The following ATG10 variants were observed in gnomAD, a reference collection of about 807,000 sequenced individuals.
ATG10 encodes the protein autophagy related 10.
ATG10 carries 30 observed loss-of-function variants against 32.1 expected under a neutral mutation model. The ratio of observed to expected loss-of-function variants is 0.94; its 90% CI spans 0.70 to 1.27. The LOEUF is 1.27. ATG10 is among the 50% of genes most tolerant of loss of function. The pLI is 0.00. For synonymous variants in ATG10, 87 were observed against 91.5 expected, an observed-to-expected ratio of 0.95 and a Z score of 0.28; for missense variants, 233 against 262.3, an observed-to-expected ratio of 0.89 and a Z score of 0.77.
intron 5 of ATG10, among the ~76,000 whole-genome samples, chr5:82,223,736 G>A (rs1337251003): frequency 6.6e-6 from 1 of 152,052 alleles, no homozygotes; most frequent in African/African-American, 2.4e-5. Flanking sequence ...AGATGTTACA[G>A]GCACATATAT....
intron 5 of ATG10, among the ~76,000 whole-genome samples, chr5:82,185,455 A>G (rs1051678878): frequency 3.9e-5 from 6 of 152,210 alleles, no homozygotes; most frequent in African/African-American, 1.4e-4. Flanking sequence ...GTAAGTTTAA[A>G]TGTTTGTACA....
At chr5:82,229,206 A>G (rs1746251272) in intron 5 of ATG10, among the ~76,000 whole-genome samples, 1 of 152,218 alleles carries the variant, frequency 6.6e-6, no homozygotes, top group African/African-American at 2.4e-5. Flanking sequence ...GATGGCTTGG[A>G]TGCATGCTCT....
At chr5:82,064,099 A>C (rs1008039134) in intron 3 of ATG10, among the ~76,000 whole-genome samples, 1 of 152,240 alleles carries the variant, frequency 6.6e-6, no homozygotes, top group Non-Finnish European at 1.5e-5. Context: ...GATTTTACAG[A>C]CTAGATTATC....
chr5:82,247,341 T>A (rs1280413003), intron 5 of ATG10, among the ~76,000 whole-genome samples: 4 of 152,174 alleles, frequency 2.6e-5, no homozygotes, highest in African/African-American at 4.8e-5. Flanking sequence ...TTTTCTCTTT[T>A]CTTCACATTG....
At chr5:82,139,185 C>T (rs1158688877) in intron 3 of ATG10, among the ~76,000 whole-genome samples, 1 of 144,894 alleles carries the variant, frequency 6.9e-6, no homozygotes, top group Non-Finnish European at 1.5e-5. Flanking sequence ...GTGATCTCGG[C>T]TCACTACAAC....
intron 5 of ATG10, among the ~76,000 whole-genome samples, chr5:82,246,286 G>T (rs1442974305): frequency 6.6e-6 from 1 of 151,796 alleles, no homozygotes; most frequent in East Asian, 1.9e-4. Flanking sequence ...AGCCAGGCTG[G>T]TCTTGAACTC....
intron 2 of ATG10, among the ~76,000 whole-genome samples, chr5:82,029,317 A>G (rs889961009): frequency 8.7e-6 from 1 of 115,364 alleles, no homozygotes; most frequent in African/African-American, 2.7e-5. Flanking sequence ...ATAATTATAC[A>G]ATATAAAGAA....
rs899951833 is a variant in ATG10, at chr5:82,009,601, C to T, written c.108+21923C>T. On this transcript the variant is annotated intron_variant, in intron 2 of 7. Transcript: ENST00000282185. ...AGATAAAACACAAGTCAAACTTATT[C>T]GAGTTGTCCACAGTCAGCAATGGTG... 7 of 1,584,980 alleles carry T rather than the reference C, an allele frequency of 4.4e-6. No homozygotes were observed. In the Admixed American group the frequency reaches 8.3e-5, roughly 19 times the overall value.
chr5:82,087,187 C>T (rs1764722808), intron 3 of ATG10, among the ~76,000 whole-genome samples: 1 of 151,934 alleles, frequency 6.6e-6, no homozygotes, highest in Non-Finnish European at 1.5e-5. Context: ...ACAGCAATGA[C>T]ATAAATTTTC....
At chr5:82,023,736 C>G (rs1191960064) in intron 2 of ATG10, among the ~76,000 whole-genome samples, 1 of 152,192 alleles carries the variant, frequency 6.6e-6, no homozygotes, top group Non-Finnish European at 1.5e-5. Flanking sequence ...TTGAAAGAAA[C>G]AAGCCCTTGA....
At chr5:81,998,375 G>A (rs1761731010) in intron 2 of ATG10, among the ~76,000 whole-genome samples, 1 of 152,178 alleles carries the variant, frequency 6.6e-6, no homozygotes, top group Non-Finnish European at 1.5e-5. Flanking sequence ...CATTACAAGA[G>A]GTGCTGAGGA....
intron 5 of ATG10, among the ~76,000 whole-genome samples, chr5:82,250,310 T>G (rs992022177): frequency 1.8e-4 from 28 of 152,130 alleles, no homozygotes; most frequent in African/African-American, 6.3e-4. Context: ...TTGATTAAGT[T>G]TCACCTTATT....
intron 2 of ATG10, among the ~76,000 whole-genome samples, chr5:82,013,258 T>C (rs1488225075): frequency 8.5e-5 from 13 of 152,202 alleles, no homozygotes; most frequent in Non-Finnish European, 1.5e-5. Flanking sequence ...GCCCATTGTA[T>C]CATTCTTATG....
intron 3 of ATG10, among the ~76,000 whole-genome samples, chr5:82,060,100 A>G (rs569331597): frequency 3.3e-5 from 5 of 152,324 alleles, no homozygotes; most frequent in African/African-American, 1.2e-4. Flanking sequence ...TTAACTTCAC[A>G]AAGTTTAAAG....
At chr5:82,159,475 G>A (rs538533792) in intron 3 of ATG10, among the ~76,000 whole-genome samples, 25 of 152,182 alleles carry the variant, frequency 1.6e-4, no homozygotes, top group South Asian at 1.2e-3. Context: ...TGGACTAGGT[G>A]GAGTGATTCA....
chr5:82,105,563 A>G (rs1340129293), intron 3 of ATG10, among the ~76,000 whole-genome samples: 1 of 152,150 alleles, frequency 6.6e-6, no homozygotes, highest in Non-Finnish European at 1.5e-5. Context: ...CCAAAAACAA[A>G]TCTAATGATT....
At chr5:82,108,510 G>A (rs1581697481) in intron 3 of ATG10, among the ~76,000 whole-genome samples, 1 of 151,820 alleles carries the variant, frequency 6.6e-6, no homozygotes, top group African/African-American at 2.4e-5. Context: ...ATATGTGTGT[G>A]TATATATCCC....
chr5:82,121,941 GTTT>G (rs77349086), intron 3 of ATG10, among the ~76,000 whole-genome samples: 1 of 121,016 alleles, frequency 8.3e-6, no homozygotes, highest in Non-Finnish European at 1.7e-5. Context: ...TTGGCCTGAA[GTTT>G]TTTTTTTTTT....
At chr5:82,139,718 G>C (rs1158708623) in intron 3 of ATG10, among the ~76,000 whole-genome samples, 70 of 142,706 alleles carry the variant, frequency 4.9e-4, no homozygotes, top group African/African-American at 1.7e-3. Context: ...GGTGGGGGGG[G>C]GTCAGCCCCC....
Sources: gnomAD v4.1 joint callset for allele counts (sites outside exome capture counted in the v4.1 genomes callset) on GRCh38, gnomAD v4.1.1 for gene constraint, MANE v1.5 for transcripts, NCBI Gene and HGNC (gene_info 2026-07-23, HGNC 2026-07-21) for gene names.